MYLK: variants seen among roughly 807,000 people sequenced by gnomAD.
MYLK encodes myosin light chain kinase, smooth muscle.
Under a neutral mutation model 203.4 loss-of-function variants are expected in MYLK, and 106 were observed. That is an observed-to-expected ratio of 0.52 (90% confidence interval 0.45 to 0.61). The LOEUF (loss-of-function observed/expected upper bound fraction) is 0.61, where lower values mean the gene tolerates loss of function less well. Among genes scored for constraint, MYLK ranks in the 20% least tolerant of loss-of-function variants. MYLK has a pLI of 0.00. For synonymous variants in MYLK, 867 were observed against 959.5 expected, an observed-to-expected ratio of 0.90 and a Z score of 1.78; for missense variants, 2,072 against 2,442.3, an observed-to-expected ratio of 0.85 and a Z score of 3.20.
chr3:123,734,344 A>C, intron 9 of MYLK, 122 bp from the exon 10 acceptor site: 1 of 996,894 alleles, frequency 1.0e-6, no homozygotes, highest in Non-Finnish European at 1.4e-6. Context: ...AAAGCCCACA[A>C]GTTAAGGGCA....
At chr3:123,725,597 T>A (rs1448564349) in intron 12 of MYLK, among the ~76,000 whole-genome samples, 1 of 152,196 alleles carries the variant, frequency 6.6e-6, no homozygotes, top group Non-Finnish European at 1.5e-5. Context: ...CTACTATGAG[T>A]TTGGCCATAA....
intron 3 of MYLK, among the ~76,000 whole-genome samples, chr3:123,811,596 A>C (rs1692681074): frequency 6.6e-6 from 1 of 152,190 alleles, no homozygotes; most frequent in Admixed American, 6.5e-5. Context: ...TGCTAAACAA[A>C]GGCAGCAGTT....
chr3:123,715,006 A>T (rs2061842869), intron 13 of MYLK, among the ~76,000 whole-genome samples: 1 of 152,218 alleles, frequency 6.6e-6, no homozygotes, highest in South Asian at 2.1e-4. Flanking sequence ...AGAAAGAAAA[A>T]GAGGCAATGT....
intron 3 of MYLK, among the ~76,000 whole-genome samples, chr3:123,797,458 C>T (rs1282943415): frequency 6.6e-6 from 1 of 152,118 alleles, no homozygotes; most frequent in East Asian, 1.9e-4. Context: ...AAACACAGGG[C>T]TGCGGAAGGA....
At chr3:123,709,963 C>T (rs780277126) in intron 13 of MYLK, 70 bp from the exon 14 acceptor site, 1 of 1,587,538 alleles carries the variant, frequency 6.3e-7, no homozygotes, top group Non-Finnish European at 8.6e-7. Context: ...ACTAAATGAC[C>T]ACTTGGTACA....
chr3:123,707,204 C>T (rs2061495040), intron 16 of MYLK, among the ~76,000 whole-genome samples: 1 of 152,210 alleles, frequency 6.6e-6, no homozygotes, highest in African/African-American at 2.4e-5. Context: ...CCACCTACAA[C>T]CAGTGAGGAG....
chr3:123,619,860 C>T (rs1397070324), intron 32 of MYLK, among the ~76,000 whole-genome samples: 2 of 152,006 alleles, frequency 1.3e-5, no homozygotes, highest in Admixed American at 6.6e-5. Context: ...GTTATTTTTG[C>T]CTATTAATAT....
chr3:123,691,104 C>T (rs1202928690), intron 19 of MYLK: 1 of 152,114 alleles, frequency 6.6e-6, no homozygotes, highest in African/African-American at 2.4e-5. Context: ...GTAAACAGGA[C>T]CTAAAGAGGC....
chr3:123,725,531 A>G (rs1303738699), intron 12 of MYLK, among the ~76,000 whole-genome samples: 1 of 152,192 alleles, frequency 6.6e-6, no homozygotes, highest in African/African-American at 2.4e-5. Flanking sequence ...AGAGTGGTTC[A>G]TTAGTTTATT....
chr3:123,650,630 A>T (rs1242063218), intron 24 of MYLK, among the ~76,000 whole-genome samples: 1 of 152,176 alleles, frequency 6.6e-6, no homozygotes, highest in Non-Finnish European at 1.5e-5. Flanking sequence ...AAAGGATGAG[A>T]TAGACAGGGA....
chr3:123,655,405 C>T (rs978980527), intron 24 of MYLK, among the ~76,000 whole-genome samples: 1 of 152,162 alleles, frequency 6.6e-6, no homozygotes, highest in Admixed American at 6.5e-5. Context: ...CTCTCTGTAA[C>T]CTTATCAATG....
intron 11 of MYLK, among the ~76,000 whole-genome samples, chr3:123,727,206 G>A (rs914312577): frequency 3.9e-5 from 6 of 152,180 alleles, no homozygotes; most frequent in African/African-American, 1.4e-4. Flanking sequence ...GGGAGGATAG[G>A]CGATGGGAGG....
chr3:123,643,965 C>T (rs2058925717), intron 27 of MYLK, among the ~76,000 whole-genome samples: 1 of 152,242 alleles, frequency 6.6e-6, no homozygotes, highest in African/African-American at 2.4e-5. Context: ...GTCCCAAGCA[C>T]TTCCAAAAGG....
intron 24 of MYLK, among the ~76,000 whole-genome samples, chr3:123,651,055 T>G (rs1232296706): frequency 6.6e-6 from 1 of 152,128 alleles, no homozygotes; most frequent in East Asian, 1.9e-4. Flanking sequence ...ACAATGGAGC[T>G]GGAGGTGGCA....
intron 4 of MYLK, among the ~76,000 whole-genome samples, chr3:123,760,933 T>C (rs2063514510): frequency 6.6e-6 from 1 of 152,238 alleles, no homozygotes; most frequent in African/African-American, 2.4e-5. Flanking sequence ...ACTCCCAAAA[T>C]ACCATTTGAG....
At chr3:123,646,111 G>A (rs1361624862) in intron 27 of MYLK, among the ~76,000 whole-genome samples, 1 of 152,304 alleles carries the variant, frequency 6.6e-6, no homozygotes, top group East Asian at 1.9e-4. Flanking sequence ...GCGACAGAGT[G>A]AGACTCTGTC....
At chr3:123,750,219 G>A (rs916706863) in intron 5 of MYLK, among the ~76,000 whole-genome samples, 1 of 152,198 alleles carries the variant, frequency 6.6e-6, no homozygotes, top group Non-Finnish European at 1.5e-5. Context: ...AAGACAGAAA[G>A]TATCTTACAT....
At position 123,640,360 on chromosome 3, in the gene MYLK, C is replaced by T. The variant is rs56056823; in HGVS notation, c.4764G>A (p.Pro1588=). The T allele has an allele frequency of 7.1e-3, 11,499 of 1,613,974 alleles. 52 individuals carry two copies. Among genetic ancestry groups the T allele is most frequent in the Non-Finnish European group, 8.9e-3 (10,523 of 1,180,004 alleles). Residue 1588 remains proline, a synonymous_variant, in exon 28 of 34, where the codon CCG becomes CCA. Coordinates refer to ENST00000360304, the MANE Select transcript of MYLK (RefSeq NM_053025.4). The surrounding 1 kb of genome is among the most constrained non-coding windows in gnomAD (Gnocchi z 4.3). ...KQGIVHLDLK[P]ENIMCVNKTG... is the part of the protein sequence containing the mutation. ...TCTTGTTGACACACATGATGTTCTC[C>T]GGCTTGAGGTCCAGGTGCACGATGC...
intron 28 of MYLK, chr3:123,638,663 C>A (rs2058730531): frequency 1.4e-6 from 1 of 734,284 alleles, no homozygotes; most frequent in Non-Finnish European, 1.7e-6. Flanking sequence ...AGTGATTTCC[C>A]CACCCGGTTA....
Sources: gnomAD v4.1 joint callset for allele counts (sites outside exome capture counted in the v4.1 genomes callset) on GRCh38, gnomAD v4.1.1 for gene constraint, Gnocchi (gnomAD v3.1) non-coding constraint, MANE v1.5 for transcripts, NCBI Gene and HGNC (gene_info 2026-07-23, HGNC 2026-07-21) for gene names.